The following PLPP4 variants were observed in gnomAD, a reference collection of about 807,000 sequenced individuals.
The protein encoded by PLPP4 is phospholipid phosphatase 4.
Under a neutral mutation model 32.2 loss-of-function variants are expected in PLPP4, and 20 were observed. The observed-to-expected ratio is 0.62, with a 90% confidence interval of 0.44 to 0.90. The LOEUF (loss-of-function observed/expected upper bound fraction) is 0.90, where lower values mean the gene tolerates loss of function less well. Among genes scored for constraint, PLPP4 ranks in the 40% least tolerant of loss-of-function variants. The probability of loss-of-function intolerance (pLI) is 0.00; values close to 1 mark genes in which losing one functional copy is unlikely to be tolerated. For synonymous variants in PLPP4, 127 were observed against 133.0 expected, an observed-to-expected ratio of 0.95 and a Z score of 0.31; for missense variants, 257 against 353.1, an observed-to-expected ratio of 0.73 and a Z score of 2.18.
Position 120,475,950 on chromosome 10 carries a change from C to G in PLPP4, c.56+18589C>G, listed in dbSNP as rs368922203. On this transcript the variant is annotated intron_variant, in intron 1 of 6. Coordinates refer to ENST00000398250, the MANE Select transcript of PLPP4 (RefSeq NM_001030059.3). ...TCTCACTTAAGATAATGTCTGAAATCACTTCCATTCCTCCACTCCTGCAGG... is the reference window on the plus strand; with the variant it reads ...TCTCACTTAAGATAATGTCTGAAATGACTTCCATTCCTCCACTCCTGCAGG... 8.5e-5 allele frequency among the ~76,000 whole-genome samples: 13 copies of G among 152,326 alleles called. 1 individual carries two copies. In the South Asian group the frequency reaches 2.7e-3, roughly 32 times the overall value.
In PLPP4 at chr10:120,528,059, A is replaced by G. The variant is rs540016436; in HGVS notation, c.445+6964A>G. On this transcript the variant is annotated intron_variant, in intron 5 of 6. Coordinates refer to ENST00000398250, the MANE Select transcript of PLPP4 (RefSeq NM_001030059.3). ...CTGGTAGATGGGAAATTTGAAAAAT[A>G]CCACTCTCCGTTTTTTTTTTTTTTT... Among the ~76,000 whole-genome samples the G allele has an allele frequency of 3.7e-4, 54 of 144,266 alleles. 1 individual carries two copies. In the East Asian group the frequency reaches 6.2e-3, roughly 16 times the overall value. 94.6% of individuals were successfully genotyped at this position (144,266 alleles called of 152,430 possible). A position where few individuals can be genotyped will look rare whatever the true frequency, so the allele number is the denominator to read the frequency against.
At chr10:120,574,726 A>G (rs7087077) in intron 5 of PLPP4, among the ~76,000 whole-genome samples, 8,082 of 152,224 alleles carry the variant, frequency 0.053, 295 homozygotes, top group Middle Eastern at 0.11. Context: ...CTTGTTTCTT[A>G]TAGAATGTAT....
rs75446797 is a variant in PLPP4, at chr10:120,539,035, C to T, written c.445+17940C>T. ...TTCCTTCCTTGGCTTTTGCACTTGCCCTTCTCCCGTATTTCCCACGTGCTG... is the reference window on the plus strand; with the variant it reads ...TTCCTTCCTTGGCTTTTGCACTTGCTCTTCTCCCGTATTTCCCACGTGCTG... On this transcript the variant is annotated intron_variant, in intron 5 of 6. Transcript: ENST00000398250. Among the ~76,000 whole-genome samples the T allele has an allele frequency of 8.6e-3, 1,308 of 152,314 alleles. 25 individuals are homozygous for T. The highest frequency in any genetic ancestry group is 0.03 in the African/African-American group (1,257 of 41,558).
At chr10:120,573,458 A>G (rs1286973682) in intron 5 of PLPP4, among the ~76,000 whole-genome samples, 1 of 152,216 alleles carries the variant, frequency 6.6e-6, no homozygotes, top group Non-Finnish European at 1.5e-5. Context: ...GTACTATAGT[A>G]ATGATTATCT....
At chr10:120,480,863 T>C (rs941252481) in intron 1 of PLPP4, among the ~76,000 whole-genome samples, 1 of 152,230 alleles carries the variant, frequency 6.6e-6, no homozygotes, top group African/African-American at 2.4e-5. Flanking sequence ...AGGCCCAAGT[T>C]GGGCTCTACT....
intron 3 of PLPP4, among the ~76,000 whole-genome samples, chr10:120,515,098 C>T (rs1388526503): frequency 1.3e-5 from 2 of 152,156 alleles, no homozygotes; most frequent in East Asian, 3.9e-4. Flanking sequence ...AACCAGGCTC[C>T]TGTTAGGCCT....
rs2133787155 is a variant in PLPP4, at chr10:120,467,326, G to A, written c.56+9965G>A. Among the ~76,000 whole-genome samples, 2 of 63,900 alleles carry A rather than the reference G, an allele frequency of 3.1e-5. 1 individual carries two copies. The highest frequency in any genetic ancestry group is 6.7e-5 in the African/African-American group (2 of 30,074). 41.9% of individuals were successfully genotyped at this position (63,900 alleles called of 152,430 possible). On this transcript the variant is annotated intron_variant, in intron 1 of 6. Coordinates refer to ENST00000398250, the MANE Select transcript of PLPP4 (RefSeq NM_001030059.3). ...AGCATGGTCTCAATCCTCTTACCTCGTGATCTGCCCGCCTCAGCCTCCCAA... is the reference window on the plus strand; with the variant it reads ...AGCATGGTCTCAATCCTCTTACCTCATGATCTGCCCGCCTCAGCCTCCCAA...
intron 1 of PLPP4, among the ~76,000 whole-genome samples, chr10:120,490,269 C>A (rs543201177): frequency 6.6e-6 from 1 of 152,234 alleles, no homozygotes; most frequent in African/African-American, 2.4e-5. Context: ...GTTCTATAGG[C>A]CACGTGCTTG....
chr10:120,521,243 A>G lies in PLPP4; in HGVS notation c.445+148A>G. 5 of 973,750 alleles carry G rather than the reference A, an allele frequency of 5.1e-6. No homozygotes were observed. In the South Asian group the frequency reaches 7.0e-5, roughly 14 times the overall value. The allele number at this position is 973,750 out of a possible 1,614,324, so 60.3% of individuals were successfully genotyped here. A position where few individuals can be genotyped will look rare whatever the true frequency, so the allele number is the denominator to read the frequency against. ...ACTTTACGGCGTTTGACTTAGAAAC[A>G]AGATTATTCAACAGGAAGTAATATG... On this transcript the variant is annotated intron_variant, in intron 5 of 6. Coordinates refer to ENST00000398250, the MANE Select transcript of PLPP4 (RefSeq NM_001030059.3).
chr10:120,591,221 G>A lies in PLPP4; in HGVS notation c.*1719G>A, dbSNP rs1351902152. Among the ~76,000 whole-genome samples, 2 of 152,124 alleles carry A rather than the reference G, an allele frequency of 1.3e-5. No individual in the cohort carries two copies. The highest frequency in any genetic ancestry group is 2.9e-5 in the Non-Finnish European group (2 of 68,030). On this transcript the variant is annotated 3_prime_UTR_variant, in exon 7 of 7. Transcript: ENST00000398250. ...CAGCCATTTCTGTTAAGCTCCATGG[G>A]CTTAAGCTTGGAGTGCATGTACCAC...
chr10:120,587,243 G>A (rs1849807011), intron 6 of PLPP4: 1 of 152,188 alleles, frequency 6.6e-6, no homozygotes, highest in Non-Finnish European at 1.5e-5. Flanking sequence ...ACAGGGGCTT[G>A]GCTGTTCTGT....
At chr10:120,496,574 G>A (rs1296878319) in intron 1 of PLPP4, among the ~76,000 whole-genome samples, 1 of 152,114 alleles carries the variant, frequency 6.6e-6, no homozygotes, top group Non-Finnish European at 1.5e-5. Context: ...ATGCGTACAA[G>A]CAAAAACCTC....
At position 120,493,737 on chromosome 10, in the gene PLPP4, C is replaced by T. The variant is rs117577779; in HGVS notation, c.57-10081C>T. On this transcript the variant is annotated intron_variant, in intron 1 of 6. Transcript: ENST00000398250. ...CATTGTCTCTTATACACGTTCTCGT[C>T]GAGGGAGGGATTCCTGCCCTAGGGT... Among the ~76,000 whole-genome samples the T allele has an allele frequency of 2.6e-3, 402 of 152,144 alleles. 3 individuals carry two copies. The highest frequency in any genetic ancestry group is 0.011 in the East Asian group (58 of 5,164).
chr10:120,516,494 G>C (rs1040871960), intron 3 of PLPP4, among the ~76,000 whole-genome samples: 6 of 110,744 alleles, frequency 5.4e-5, no homozygotes, highest in Non-Finnish European at 1.9e-5. Flanking sequence ...ATAAAAGCAC[G>C]ATAGTGCTGA....
At chr10:120,499,374 G>A (rs1006925725) in intron 1 of PLPP4, among the ~76,000 whole-genome samples, 1 of 151,618 alleles carries the variant, frequency 6.6e-6, no homozygotes, top group Non-Finnish European at 1.5e-5. Flanking sequence ...GATTGTATTG[G>A]GTTGGTGCAA....
At chr10:120,574,238 C>G in intron 5 of PLPP4, among the ~76,000 whole-genome samples, 1 of 124,998 alleles carries the variant, frequency 8.0e-6, no homozygotes, top group East Asian at 2.5e-4. Context: ...CCCTCCAGAC[C>G]ACTACAAACA....
chr10:120,466,006 T>C (rs553272764), intron 1 of PLPP4, among the ~76,000 whole-genome samples: 1 of 152,246 alleles, frequency 6.6e-6, no homozygotes, highest in East Asian at 1.9e-4. Flanking sequence ...TGGTTTTTGG[T>C]GAACATCTTA....
chr10:120,491,287 C>T lies in PLPP4; in HGVS notation c.57-12531C>T, dbSNP rs545731906. ...CACCTGCCACTGTGATGTTCACTTT[C>T]GCCAGTACCTCATCACTCAAAGTTA... On this transcript the variant is annotated intron_variant, in intron 1 of 6. Transcript: ENST00000398250. Among the ~76,000 whole-genome samples the T allele has an allele frequency of 2.6e-5, 4 of 152,292 alleles. No individual in the cohort carries two copies. The South Asian group carries it at 6.2e-4, about 24-fold the overall frequency.
intron 5 of PLPP4, among the ~76,000 whole-genome samples, chr10:120,523,226 A>G (rs1352246145): frequency 1.3e-5 from 2 of 151,972 alleles, no homozygotes; most frequent in Non-Finnish European, 2.9e-5. Flanking sequence ...AGCTTGAACC[A>G]GGGGGTCAGA....
Sources: gnomAD v4.1 joint callset for allele counts (sites outside exome capture counted in the v4.1 genomes callset) on GRCh38, gnomAD v4.1.1 for gene constraint, MANE v1.5 for transcripts, NCBI Gene and HGNC (gene_info 2026-07-23, HGNC 2026-07-21) for gene names.